Variants in FLI1 observed in about 807,000 individuals in gnomAD.
FLI1 encodes Friend leukemia integration 1 transcription factor.
In FLI1, 13 loss-of-function variants were observed where a neutral mutation model predicts 53.1. That is an observed-to-expected ratio of 0.24 (90% CI 0.16 to 0.39). FLI1 has a LOEUF of 0.39. Among genes scored for constraint, FLI1 ranks in the 10% least tolerant of loss-of-function variants. The pLI, the probability that FLI1 is intolerant of heterozygous loss-of-function variation, is 1.00. For missense variants in FLI1, 424 were observed against 600.5 expected, an observed-to-expected ratio of 0.71 and a Z score of 3.07; for synonymous variants, 244 against 236.7, an observed-to-expected ratio of 1.03 and a Z score of -0.28.
intron 1 of FLI1, among the ~76,000 whole-genome samples, chr11:128,719,646 C>G (rs541207692): frequency 6.6e-6 from 1 of 152,114 alleles, no homozygotes; most frequent in East Asian, 1.9e-4. Flanking sequence ...ACATTCATCC[C>G]GTCTACTCAT....
rs775150225 is a variant in FLI1 at position 128,805,778 on chromosome 11, C to T, written c.721+347C>T. 6.5e-4 allele frequency: 135 copies of T among 208,192 alleles called. 1 individual carries two copies. Among genetic ancestry groups the T allele is most frequent in the Non-Finnish European group, 1.1e-3 (115 of 104,822 alleles). 12.9% of individuals were successfully genotyped at this position (208,192 alleles called of 1,614,324 possible). A position where few individuals can be genotyped will look rare whatever the true frequency, so the allele number is the denominator to read the frequency against. ...TAATGACTCTCTATAATTTTGCTCC[C>T]GTAACTGTTGAGGCTAAGTCGTACC... On this transcript the variant is annotated intron_variant, in intron 6 of 8. Coordinates refer to ENST00000527786, the MANE Select transcript of FLI1 (RefSeq NM_002017.5).
chr11:128,768,177 C>G lies in FLI1; in HGVS notation c.290C>G (p.Ser97Cys), dbSNP rs368969366. ...KCSKLVGGGE[S>C]NPMNYNSYMD... Reference sequence around the variant, plus strand: ...AGCAAGCTGGTGGGCGGAGGCGAGTCCAACCCCATGAACTACAACAGCTAT... The same window carrying G: ...AGCAAGCTGGTGGGCGGAGGCGAGTGCAACCCCATGAACTACAACAGCTAT... Residue 97 changes from serine to cysteine, a missense_variant, in exon 3 of 9, where the codon TCC becomes TGC. Physicochemically the swap from Ser to Cys is moderately radical, Grantham distance 112. This residue lies in a region of FLI1 where 137 missense variants were observed against 169.1 expected (regional missense o/e 0.81). Transcript: ENST00000527786. 27 of 1,613,716 alleles carry G rather than the reference C, an allele frequency of 1.7e-5. No homozygotes were observed. The highest frequency in any genetic ancestry group is 3.3e-4 in the Middle Eastern group (2 of 6,084).
chr11:128,767,507 C>T (rs1382272192), intron 2 of FLI1, among the ~76,000 whole-genome samples: 1 of 152,172 alleles, frequency 6.6e-6, no homozygotes, highest in South Asian at 2.1e-4. Flanking sequence ...TGTGCCTATC[C>T]TGGGGGCTTA....
chr11:128,771,130 T>C (rs368604092), intron 3 of FLI1, among the ~76,000 whole-genome samples: 1 of 152,212 alleles, frequency 6.6e-6, no homozygotes, highest in East Asian at 1.9e-4. Flanking sequence ...AAAATGGGGA[T>C]ATTAAAAGAT....
intron 1 of FLI1, among the ~76,000 whole-genome samples, chr11:128,694,881 A>G (rs1171278682): frequency 2.0e-5 from 3 of 151,786 alleles, no homozygotes; most frequent in Admixed American, 6.5e-5. Flanking sequence ...TCCTCTCGGC[A>G]CTCAGTCGCC....
intron 1 of FLI1, among the ~76,000 whole-genome samples, chr11:128,739,369 G>A (rs746846204): frequency 6.6e-6 from 1 of 152,154 alleles, no homozygotes; most frequent in African/African-American, 2.4e-5. Context: ...TGAGAAAGTA[G>A]GTAGAGAGGG....
chr11:128,778,105 C>T (rs1941798193), intron 4 of FLI1, among the ~76,000 whole-genome samples: 1 of 152,056 alleles, frequency 6.6e-6, no homozygotes, highest in African/African-American at 2.4e-5. Flanking sequence ...GCAAAAATGC[C>T]CTCAATAAAT....
At chr11:128,775,934 T>C (rs141880609) in intron 4 of FLI1, among the ~76,000 whole-genome samples, 1 of 152,196 alleles carries the variant, frequency 6.6e-6, no homozygotes, top group African/African-American at 2.4e-5. Flanking sequence ...AGACTGTGGC[T>C]GGTTGGAAGT....
At chr11:128,775,417 G>C (rs919345099) in intron 4 of FLI1, among the ~76,000 whole-genome samples, 12 of 151,678 alleles carry the variant, frequency 7.9e-5, no homozygotes, top group African/African-American at 2.9e-4. Context: ...GAGGAACCTA[G>C]ACTTAAAATG....
At position 128,812,761 on chromosome 11, in the gene FLI1, C is replaced by T. The variant is rs778136756; in HGVS notation, c.*1773C>T. ...CTCCCCTGGGCACTTCAGACCCAGACGGCCACCTTCTGCCACTCCAGCAAA... is the reference window on the plus strand; with the variant it reads ...CTCCCCTGGGCACTTCAGACCCAGATGGCCACCTTCTGCCACTCCAGCAAA... On this transcript the variant is annotated 3_prime_UTR_variant, in exon 9 of 9. Transcript: ENST00000527786. 15 of 215,666 alleles carry T rather than the reference C, an allele frequency of 7.0e-5. No individual in the cohort carries two copies. The highest frequency in any genetic ancestry group is 4.8e-4 in the East Asian group (7 of 14,492). 13.4% of individuals were successfully genotyped at this position (215,666 alleles called of 1,614,324 possible). A position where few individuals can be genotyped will look rare whatever the true frequency, so the allele number is the denominator to read the frequency against.
At chr11:128,787,143 C>T (rs546635419) in intron 5 of FLI1, among the ~76,000 whole-genome samples, 1 of 152,322 alleles carries the variant, frequency 6.6e-6, no homozygotes, top group African/African-American at 2.4e-5. Context: ...AGGCTGGCTT[C>T]TCTCCAGGAG....
intron 2 of FLI1, among the ~76,000 whole-genome samples, chr11:128,760,237 C>CAA (rs1251484489): frequency 6.6e-6 from 1 of 152,200 alleles, no homozygotes; most frequent in Non-Finnish European, 1.5e-5. Context: ...TTCACTGTTA[C>CAA]ACAGGAAGGC....
chr11:128,747,606 G>A (rs1940454148), intron 1 of FLI1, among the ~76,000 whole-genome samples: 1 of 152,206 alleles, frequency 6.6e-6, no homozygotes, highest in South Asian at 2.1e-4. Context: ...CAACATCTCA[G>A]TCTGGCTTTG....
intron 1 of FLI1, among the ~76,000 whole-genome samples, chr11:128,756,096 C>T (rs1239620128): frequency 6.6e-6 from 1 of 152,238 alleles, no homozygotes; most frequent in Non-Finnish European, 1.5e-5. Context: ...AGACAAATCC[C>T]AGCTTTAACA....
chr11:128,773,133 T>C, intron 4 of FLI1, 148 bp downstream of exon 4: 1 of 718,816 alleles, frequency 1.4e-6, no homozygotes, highest in Non-Finnish European at 2.4e-6. Context: ...TCACGTGGGC[T>C]CCTACAGACC....
At chr11:128,760,596 T>C (rs1000173517) in intron 2 of FLI1, among the ~76,000 whole-genome samples, 7 of 150,322 alleles carry the variant, frequency 4.7e-5, no homozygotes, top group Non-Finnish European at 8.9e-5. Context: ...GGTACAGTCT[T>C]GGCTCACTAC....
intron 1 of FLI1, among the ~76,000 whole-genome samples, chr11:128,726,544 AC>A (rs1046582215): frequency 1.4e-4 from 4 of 29,060 alleles, no homozygotes; most frequent in Non-Finnish European, 3.1e-4. Context: ...CCACCCCCCT[AC>A]CCCCACCCCC....
chr11:128,724,814 C>G (rs779526615), intron 1 of FLI1, among the ~76,000 whole-genome samples: 27 of 152,196 alleles, frequency 1.8e-4, no homozygotes, highest in Non-Finnish European at 3.4e-4. Flanking sequence ...CAGGTCAAAG[C>G]AGGCCTTATT....
chr11:128,772,670 G>C (rs1941605473), intron 3 of FLI1, 112 bp from the exon 4 acceptor site: 1 of 845,292 alleles, frequency 1.2e-6, no homozygotes, highest in Admixed American at 1.9e-5. Flanking sequence ...AGCTCTCCCA[G>C]AGAGAAAGAG....
Sources: gnomAD v4.1 joint callset for allele counts (sites outside exome capture counted in the v4.1 genomes callset) on GRCh38, gnomAD v4.1.1 for gene constraint, gnomAD v4.1.1 regional missense constraint, MANE v1.5 for transcripts, NCBI Gene and HGNC (gene_info 2026-07-23, HGNC 2026-07-21) for gene names.